Variants in FHOD3 observed in about 807,000 individuals in gnomAD.
FHOD3 encodes FH1/FH2 domain-containing protein 3.
In FHOD3, 90 loss-of-function variants were observed where a neutral mutation model predicts 173.0. The ratio of observed to expected loss-of-function variants is 0.52; its 90% confidence interval spans 0.44 to 0.62. The LOEUF (loss-of-function observed/expected upper bound fraction) is 0.62, where lower values mean the gene tolerates loss of function less well. FHOD3 is among the 20% of genes least tolerant of loss of function. The pLI, the probability that FHOD3 is intolerant of heterozygous loss-of-function variation, is 0.00. For missense variants in FHOD3, 1,945 were observed against 2,034.7 expected (o/e 0.96, Z 0.85); for synonymous variants, 828 against 823.0 (o/e 1.01, Z -0.10).
At chr18:36,376,016 C>T (rs1022951271) in intron 3 of FHOD3, among the ~76,000 whole-genome samples, 3 of 152,102 alleles carry the variant, frequency 2.0e-5, no homozygotes, top group Non-Finnish European at 2.9e-5. Context: ...AGAATTAAGA[C>T]GTATGATAGA....
intron 5 of FHOD3, among the ~76,000 whole-genome samples, chr18:36,564,602 G>A (rs937415696): frequency 3.3e-5 from 5 of 152,184 alleles, no homozygotes; most frequent in African/African-American, 1.2e-4. Flanking sequence ...CCAGTCTTCT[G>A]TGTGTATTAG....
chr18:36,390,224 G>A (rs2048231375), intron 3 of FHOD3, among the ~76,000 whole-genome samples: 1 of 152,154 alleles, frequency 6.6e-6, no homozygotes, highest in African/African-American at 2.4e-5. Context: ...GTGATAGGGG[G>A]ACGTGTCCAC....
intron 5 of FHOD3, among the ~76,000 whole-genome samples, chr18:36,572,448 G>C (rs1046190823): frequency 1.2e-4 from 19 of 152,148 alleles, no homozygotes; most frequent in African/African-American, 4.6e-4. Flanking sequence ...CTCGTGTCTG[G>C]AGCGGTTTAC....
intron 3 of FHOD3, among the ~76,000 whole-genome samples, chr18:36,451,576 A>C (rs1467026154): frequency 6.6e-6 from 1 of 152,198 alleles, no homozygotes; most frequent in Non-Finnish European, 1.5e-5. Flanking sequence ...TGACTCAGCC[A>C]GTCTGGTGAT....
In FHOD3 at chr18:36,769,368, G is replaced by A; in HGVS notation, c.4728G>A (p.Val1576=). ...MDRIVKSATQ[V]PSQRVVPRER... ...GCATCGTCAAGTCAGCCACCCAAGT[G>A]CCCAGTCAGCGAGTGGTGCCGAGGG... Residue 1576 remains valine (V), a synonymous_variant, in exon 28 of 29, where the codon GTG becomes GTA. Coordinates refer to ENST00000590592, the MANE Select transcript of FHOD3 (RefSeq NM_001281740.3). 6.2e-7 allele frequency: 1 copy of A among 1,614,158 alleles called. No individual in the cohort carries two copies. Among genetic ancestry groups the A allele is most frequent in the Non-Finnish European group, 8.5e-7 (1 of 1,180,028 alleles).
chr18:36,712,474 A>C (rs540403557), intron 18 of FHOD3, among the ~76,000 whole-genome samples: 48 of 152,322 alleles, frequency 3.2e-4, no homozygotes, highest in East Asian at 1.3e-3. Flanking sequence ...ACAACAAAAA[A>C]AAAAAATACT....
intron 7 of FHOD3, 23 bp from the exon 8 acceptor site, chr18:36,602,651 A>G (rs1388543483): frequency 3.9e-6 from 6 of 1,536,582 alleles, no homozygotes; most frequent in Non-Finnish European, 5.4e-6. Flanking sequence ...TGCTGTTTCT[A>G]ATGATTTTTG....
At chr18:36,525,097 A>G (rs1459470106) in intron 5 of FHOD3, among the ~76,000 whole-genome samples, 1 of 152,180 alleles carries the variant, frequency 6.6e-6, no homozygotes, top group Non-Finnish European at 1.5e-5. Flanking sequence ...CCTTGAGTTT[A>G]GGCCAGACCT....
chr18:36,654,640 A>G (rs1296488423), intron 13 of FHOD3, among the ~76,000 whole-genome samples: 1 of 152,160 alleles, frequency 6.6e-6, no homozygotes, highest in Non-Finnish European at 1.5e-5. Context: ...CAACAGTCTC[A>G]TTTTTGGGGC....
intron 2 of FHOD3, among the ~76,000 whole-genome samples, chr18:36,356,825 T>C (rs2046384079): frequency 6.6e-6 from 1 of 151,670 alleles, no homozygotes; most frequent in Non-Finnish European, 1.5e-5. Context: ...TTAGTAGAGA[T>C]GGGGTTTTGT....
At chr18:36,760,974 C>T (rs1396874753) in intron 27 of FHOD3, among the ~76,000 whole-genome samples, 192 bp downstream of exon 27, 1 of 152,234 alleles carries the variant, frequency 6.6e-6, no homozygotes, top group Non-Finnish European at 1.5e-5. Context: ...AACAAACATT[C>T]CCACGAGAGT....
intron 6 of FHOD3, 28 bp from the exon 7 acceptor site, chr18:36,594,759 G>C: frequency 6.5e-7 from 1 of 1,544,386 alleles, no homozygotes; most frequent in Non-Finnish European, 8.9e-7. Context: ...TGTTGGCAGT[G>C]ATGTGATGGT....
At chr18:36,410,041 AC>A (rs1458385726) in intron 3 of FHOD3, among the ~76,000 whole-genome samples, 2 of 152,180 alleles carry the variant, frequency 1.3e-5, no homozygotes, top group African/African-American at 4.8e-5. Context: ...CAATTCACTC[AC>A]CTAAAGTGTC....
intron 1 of FHOD3, among the ~76,000 whole-genome samples, chr18:36,340,181 C>A (rs1302373782): frequency 6.6e-6 from 1 of 152,140 alleles, no homozygotes. Context: ...TATGCAAGAG[C>A]TTTGATGATT....
chr18:36,581,181 C>G (rs571900677), intron 6 of FHOD3, among the ~76,000 whole-genome samples: 37 of 152,298 alleles, frequency 2.4e-4, no homozygotes, highest in African/African-American at 8.2e-4. Flanking sequence ...TTTACAAGAG[C>G]CAATCTTTAA....
rs549547233 is a variant in FHOD3 at position 36,360,181 on chromosome 18, G to A, written c.272+4536G>A. ...TTAGGCAAGCCCTGGAGGATATGGT[G>A]GCTTTGGGTATTTGGAAGGTGCAGC... On this transcript the variant is annotated intron_variant, in intron 2 of 28. Transcript: ENST00000590592. Among the ~76,000 whole-genome samples the A allele has an allele frequency of 3.9e-5, 6 of 152,344 alleles. No homozygotes were observed. In the South Asian group the frequency reaches 6.2e-4, roughly 16 times the overall value.
At chr18:36,520,457 C>T (rs1180716146) in intron 5 of FHOD3, among the ~76,000 whole-genome samples, 1 of 152,118 alleles carries the variant, frequency 6.6e-6, no homozygotes, top group Non-Finnish European at 1.5e-5. Context: ...CCACTTTTTA[C>T]CTACAGAAAG....
chr18:36,453,696 G>T (rs1379871131), intron 3 of FHOD3, among the ~76,000 whole-genome samples: 2 of 152,212 alleles, frequency 1.3e-5, no homozygotes, highest in Non-Finnish European at 2.9e-5. Flanking sequence ...GGGAGGCCAG[G>T]CTTTGAATGA....
intron 5 of FHOD3, among the ~76,000 whole-genome samples, chr18:36,515,729 A>G (rs1399045017): frequency 6.6e-6 from 1 of 152,210 alleles, no homozygotes; most frequent in African/African-American, 2.4e-5. Context: ...AGGAGACCCT[A>G]TATTTCCATT....
Sources: gnomAD v4.1 joint callset for allele counts (sites outside exome capture counted in the v4.1 genomes callset) on GRCh38, gnomAD v4.1.1 for gene constraint, MANE v1.5 for transcripts, NCBI Gene and HGNC (gene_info 2026-07-23, HGNC 2026-07-21) for gene names.